The following EVL variants were observed in gnomAD, a reference collection of about 807,000 sequenced individuals.
EVL encodes Enah/Vasp-like.
EVL carries 21 observed loss-of-function variants against 59.6 expected under a neutral mutation model. That is an observed-to-expected ratio of 0.35 (90% CI 0.25 to 0.51). The LOEUF is 0.51. Among genes scored for constraint, EVL ranks in the 20% least tolerant of loss-of-function variants. The probability of loss-of-function intolerance (pLI) is 0.97; values close to 1 mark genes in which losing one functional copy is unlikely to be tolerated. For synonymous variants in EVL, 198 were observed against 203.5 expected (o/e 0.97, Z 0.23); for missense variants, 462 against 546.6 (o/e 0.85, Z 1.54).
Position 99,972,592 on chromosome 14 carries a change from C to T in EVL, c.5+535C>T, listed in dbSNP as rs891820250. Reference sequence around the variant, plus strand: ...CCGTCAACCCCTTCGTCTCCTAATTCTCAACCCCCCTTTTTTTTCTTCTTG... The same window carrying T: ...CCGTCAACCCCTTCGTCTCCTAATTTTCAACCCCCCTTTTTTTTCTTCTTG... On this transcript the variant is annotated intron_variant, in intron 1 of 13. Transcript: ENST00000402714. This position sits in a 1 kb window ranked among gnomAD's most constrained non-coding sequence, Gnocchi z 4.4. Among the ~76,000 whole-genome samples the T allele has an allele frequency of 6.6e-6, 1 of 152,172 alleles. No homozygotes were observed. The highest frequency in any genetic ancestry group is 1.5e-5 in the Non-Finnish European group (1 of 68,036).
intron 1 of EVL, among the ~76,000 whole-genome samples, chr14:100,041,370 G>T (rs1441869601): frequency 6.6e-6 from 1 of 152,114 alleles, no homozygotes; most frequent in African/African-American, 2.4e-5. Flanking sequence ...GCATAGTTTA[G>T]ATAATTAAAT....
intron 1 of EVL, among the ~76,000 whole-genome samples, chr14:99,988,679 CA>C (rs1396112240): frequency 3.3e-5 from 5 of 152,222 alleles, no homozygotes; most frequent in Admixed American, 3.3e-4. Flanking sequence ...GGAAACAACC[CA>C]AATGTTCACG....
chr14:99,989,381 G>GT (rs982741794), intron 1 of EVL, among the ~76,000 whole-genome samples: 12 of 152,044 alleles, frequency 7.9e-5, no homozygotes. Flanking sequence ...TTCCACTTTT[G>GT]TTTTCTACCT....
At chr14:100,041,908 GGAGAACA>G (rs2061473024) in intron 1 of EVL, among the ~76,000 whole-genome samples, 1 of 152,164 alleles carries the variant, frequency 6.6e-6, no homozygotes, top group Admixed American at 6.5e-5. Context: ...TCAATTAATT[GGAGAACA>G]GAGAATAGTG....
chr14:99,989,456 G>A (rs186819683), intron 1 of EVL, among the ~76,000 whole-genome samples: 2 of 152,036 alleles, frequency 1.3e-5, no homozygotes, highest in Non-Finnish European at 2.9e-5. Flanking sequence ...TTCTTCTTAG[G>A]TTTCTTGAGG....
chr14:100,004,148 G>A (rs1427664370), intron 1 of EVL, among the ~76,000 whole-genome samples: 1 of 152,212 alleles, frequency 6.6e-6, no homozygotes, highest in East Asian at 1.9e-4. Context: ...AGGTTACAGT[G>A]AGCTGAGATG....
intron 1 of EVL, among the ~76,000 whole-genome samples, chr14:99,993,460 G>A (rs2060889069): frequency 6.6e-6 from 1 of 151,724 alleles, no homozygotes; most frequent in Non-Finnish European, 1.5e-5. Flanking sequence ...TTCTTATTTT[G>A]TCTTTGTCTG....
chr14:100,091,100 A>T (rs1205622235), intron 2 of EVL, among the ~76,000 whole-genome samples: 2 of 152,222 alleles, frequency 1.3e-5, no homozygotes, highest in African/African-American at 4.8e-5. Context: ...CCTAGCTGGT[A>T]GCTCCCAGAG....
At chr14:100,076,159 A>G (rs2062156786) in intron 1 of EVL, among the ~76,000 whole-genome samples, 1 of 152,230 alleles carries the variant, frequency 6.6e-6, no homozygotes, top group Admixed American at 6.5e-5. Context: ...AGCAGAAAAG[A>G]CATCTTAATT....
At chr14:100,131,078 GGT>G (rs1888407670) in intron 7 of EVL, among the ~76,000 whole-genome samples, 1 of 152,366 alleles carries the variant, frequency 6.6e-6, no homozygotes, top group African/African-American at 2.4e-5. Context: ...TGGAGAGCTA[GGT>G]GTGGAGGAAA....
At chr14:100,111,776 AGAAG>A (rs771981140) in intron 3 of EVL, among the ~76,000 whole-genome samples, 27 of 152,198 alleles carry the variant, frequency 1.8e-4, no homozygotes, top group Non-Finnish European at 3.4e-4. Context: ...CTCCATTTTA[AGAAG>A]GAAGAAACAA....
intron 1 of EVL, among the ~76,000 whole-genome samples, chr14:100,023,605 A>G (rs1013508828): frequency 2.0e-5 from 3 of 151,030 alleles, no homozygotes; most frequent in South Asian, 4.2e-4. Flanking sequence ...GGGATTACAG[A>G]CATGAGCCAC....
chr14:100,099,612 C>T (rs1886065411), intron 3 of EVL, among the ~76,000 whole-genome samples: 1 of 152,018 alleles, frequency 6.6e-6, no homozygotes. Flanking sequence ...CCTGAGGCAT[C>T]GTAAGTGCCC....
intron 3 of EVL, among the ~76,000 whole-genome samples, chr14:100,120,379 C>T (rs751598458): frequency 4.6e-5 from 7 of 152,192 alleles, no homozygotes; most frequent in Non-Finnish European, 1.0e-4. Flanking sequence ...CGGAGTGAGA[C>T]GTGCTCTCTG....
chr14:100,132,914 C>CG, intron 8 of EVL, 135 bp downstream of exon 8: 2 of 971,762 alleles, frequency 2.1e-6, no homozygotes, highest in East Asian at 5.2e-5. Flanking sequence ...ACAGGAGGGG[C>CG]GGAGGGTCTC....
At chr14:100,128,015 G>T (rs139614333) in intron 5 of EVL, among the ~76,000 whole-genome samples, 16 of 152,338 alleles carry the variant, frequency 1.1e-4, no homozygotes, top group Middle Eastern at 6.8e-3. Context: ...GGATGATGCT[G>T]GAGCCCAGCA....
chr14:100,123,066 G>C (rs1887801052), intron 3 of EVL, among the ~76,000 whole-genome samples: 1 of 152,244 alleles, frequency 6.6e-6, no homozygotes, highest in African/African-American at 2.4e-5. Flanking sequence ...ACATCCGCCA[G>C]CTGTCAGTGT....
chr14:100,011,987 A>G (rs2061019654), intron 1 of EVL, among the ~76,000 whole-genome samples: 1 of 152,240 alleles, frequency 6.6e-6, no homozygotes, highest in Non-Finnish European at 1.5e-5. Flanking sequence ...CTTACAGGTG[A>G]GTAAACTGAG....
chr14:100,101,208 G>A (rs1566694484), intron 3 of EVL, among the ~76,000 whole-genome samples: 1 of 152,142 alleles, frequency 6.6e-6, no homozygotes, highest in Non-Finnish European at 1.5e-5. Flanking sequence ...AATTAGGCCG[G>A]GCGCGGTGGC....
Sources: allele counts gnomAD v4.1 joint callset (sites outside exome capture counted in the v4.1 genomes callset), GRCh38; gene constraint gnomAD v4.1.1; non-coding constraint Gnocchi (gnomAD v3.1); transcripts MANE v1.5; gene names NCBI Gene and HGNC (gene_info 2026-07-23, HGNC 2026-07-21).